The following MYT1L variants were observed in gnomAD, a reference collection of about 807,000 sequenced individuals.
MYT1L encodes myelin transcription factor 1-like protein.
MYT1L carries 12 observed loss-of-function variants against 126.7 expected under a neutral mutation model. That is an observed-to-expected ratio of 0.09 (90% CI 0.06 to 0.15). The LOEUF (loss-of-function observed/expected upper bound fraction) is 0.15. MYT1L is among the 10% of genes least tolerant of loss of function. MYT1L has a pLI of 1.00. For synonymous variants in MYT1L, 541 were observed against 604.2 expected, an observed-to-expected ratio of 0.90 and a Z score of 1.53; for missense variants, 979 against 1,585.2, an observed-to-expected ratio of 0.62 and a Z score of 6.49.
intron 8 of MYT1L, among the ~76,000 whole-genome samples, chr2:1,959,517 A>G (rs2058785105): frequency 6.6e-6 from 1 of 152,150 alleles, no homozygotes; most frequent in South Asian, 2.1e-4. Flanking sequence ...ATGTTTTCTT[A>G]TGCCTCCGTG....
intron 21 of MYT1L, among the ~76,000 whole-genome samples, chr2:1,813,749 C>T (rs907881462): frequency 3.3e-5 from 5 of 151,726 alleles, no homozygotes; most frequent in South Asian, 2.1e-4. Context: ...AGCTTCCGGC[C>T]GGGCGCGGTG....
At chr2:1,826,246 G>C (rs1401265290) in intron 21 of MYT1L, 1 of 152,336 alleles carries the variant, frequency 6.6e-6, no homozygotes, top group Non-Finnish European at 1.5e-5. Context: ...CAAACTAGAA[G>C]ACCGGCACGG....
intron 2 of MYT1L, among the ~76,000 whole-genome samples, chr2:2,246,472 AT>A (rs1243417251): frequency 4.1e-4 from 62 of 152,300 alleles, no homozygotes; most frequent in African/African-American, 1.5e-3. Flanking sequence ...TAGACCTTTT[AT>A]AAACCCCAAA....
intron 13 of MYT1L, among the ~76,000 whole-genome samples, chr2:1,909,666 C>A (rs1317196497): frequency 6.6e-6 from 1 of 152,144 alleles, no homozygotes; most frequent in South Asian, 2.1e-4. Context: ...CTGTAACATT[C>A]GGGTCAGTCA....
chr2:2,195,460 A>G (rs1325492995), intron 2 of MYT1L, among the ~76,000 whole-genome samples: 1 of 152,220 alleles, frequency 6.6e-6, no homozygotes, highest in Non-Finnish European at 1.5e-5. Flanking sequence ...GAAGCAGCAA[A>G]TCTTTTCTGT....
intron 2 of MYT1L, among the ~76,000 whole-genome samples, chr2:2,262,915 AAT>A (rs61461867): frequency 4.2e-4 from 26 of 62,376 alleles, no homozygotes; most frequent in Admixed American, 6.1e-4. Context: ...GAGAGGCACA[AAT>A]ATATATATAT....
chr2:2,002,184 G>A (rs1256059415), intron 4 of MYT1L, among the ~76,000 whole-genome samples: 1 of 152,140 alleles, frequency 6.6e-6, no homozygotes, highest in Non-Finnish European at 1.5e-5. Context: ...TGTGGCCACA[G>A]TTGGAGAAAC....
At chr2:2,169,361 T>G (rs1310264520) in intron 3 of MYT1L, among the ~76,000 whole-genome samples, 1 of 152,182 alleles carries the variant, frequency 6.6e-6, no homozygotes, top group African/African-American at 2.4e-5. Flanking sequence ...AATACTACCT[T>G]AAAGATACAC....
chr2:1,932,209 C>G (rs1015498191), intron 9 of MYT1L, among the ~76,000 whole-genome samples: 1 of 152,102 alleles, frequency 6.6e-6, no homozygotes. Flanking sequence ...AATTGAGGCA[C>G]GGAGGAAAAC....
At chr2:2,200,663 T>C (rs2093029394) in intron 2 of MYT1L, among the ~76,000 whole-genome samples, 3 of 150,594 alleles carry the variant, frequency 2.0e-5, no homozygotes, top group South Asian at 4.2e-4. Flanking sequence ...ACCACACCCA[T>C]AGAGAGAGAG....
chr2:2,210,748 T>C (rs1214457181), intron 2 of MYT1L, among the ~76,000 whole-genome samples: 2 of 152,214 alleles, frequency 1.3e-5, no homozygotes, highest in Non-Finnish European at 2.9e-5. Flanking sequence ...AGGATATTTT[T>C]TCTATTTATG....
At chr2:1,885,708 T>C (rs2048085950) in intron 18 of MYT1L, among the ~76,000 whole-genome samples, 1 of 152,226 alleles carries the variant, frequency 6.6e-6, no homozygotes, top group African/African-American at 2.4e-5. Context: ...TGTCCGATAA[T>C]TTAAATCGAT....
At chr2:2,020,233 C>T (rs945837572) in intron 4 of MYT1L, among the ~76,000 whole-genome samples, 6 of 152,124 alleles carry the variant, frequency 3.9e-5, no homozygotes, top group African/African-American at 7.2e-5. Flanking sequence ...AAAACTATCA[C>T]GTGTTGATAT....
chr2:2,078,694 A>G (rs1259538043), intron 3 of MYT1L, among the ~76,000 whole-genome samples: 4 of 152,242 alleles, frequency 2.6e-5, no homozygotes, highest in Non-Finnish European at 4.4e-5. Flanking sequence ...CATGAAACAA[A>G]TTCTGATAAA....
chr2:1,806,407 G>A lies in MYT1L; in HGVS notation c.3172+2669C>T, dbSNP rs1338346654. On this transcript the variant is annotated intron_variant, in intron 22 of 24. Coordinates refer to ENST00000647738, the MANE Select transcript of MYT1L (RefSeq NM_001303052.2). This position sits in a 1 kb window ranked among gnomAD's most constrained non-coding sequence, Gnocchi z 4.9. Reference sequence around the variant, plus strand: ...TCTAGAAACTTGGGTGAAATGCAGCGACCTGGCTGAAGGCTGCCCAGCAGC... The same window carrying A: ...TCTAGAAACTTGGGTGAAATGCAGCAACCTGGCTGAAGGCTGCCCAGCAGC... 2.0e-5 allele frequency among the ~76,000 whole-genome samples: 3 copies of A among 152,152 alleles called. No homozygotes were observed. Among genetic ancestry groups the A allele is most frequent in the South Asian group, 2.1e-4 (1 of 4,832 alleles).
intron 4 of MYT1L, among the ~76,000 whole-genome samples, chr2:2,052,266 C>T (rs1258646680): frequency 2.6e-5 from 4 of 152,120 alleles, no homozygotes; most frequent in Non-Finnish European, 5.9e-5. Context: ...TACCTTAAAC[C>T]TGTAAAAAGA....
At chr2:1,958,713 G>A (rs1201444707) in intron 8 of MYT1L, among the ~76,000 whole-genome samples, 1 of 152,130 alleles carries the variant, frequency 6.6e-6, no homozygotes, top group East Asian at 1.9e-4. Context: ...CGGCCCACCC[G>A]ACTGCAGAGG....
chr2:2,129,967 G>A (rs1480575638), intron 3 of MYT1L, among the ~76,000 whole-genome samples: 1 of 151,506 alleles, frequency 6.6e-6, no homozygotes, highest in Non-Finnish European at 1.5e-5. Context: ...TAAGAAACAG[G>A]CCACAGAACT....
At chr2:2,003,763 C>T (rs534563527) in intron 4 of MYT1L, among the ~76,000 whole-genome samples, 64 of 152,246 alleles carry the variant, frequency 4.2e-4, no homozygotes, top group Non-Finnish European at 7.4e-4. Flanking sequence ...TGTGTGGACC[C>T]CCACTTTCCC....
Sources: allele counts gnomAD v4.1 joint callset (sites outside exome capture counted in the v4.1 genomes callset), GRCh38; gene constraint gnomAD v4.1.1; non-coding constraint Gnocchi (gnomAD v3.1); transcripts MANE v1.5; gene names NCBI Gene and HGNC (gene_info 2026-07-23, HGNC 2026-07-21).